Variants in FBXL13 observed in about 807,000 individuals in gnomAD.
The protein encoded by FBXL13 is F-box and leucine-rich repeat protein 13.
In FBXL13, 67 loss-of-function variants were observed where a neutral mutation model predicts 83.6. The ratio of observed to expected loss-of-function variants is 0.80; its 90% CI spans 0.66 to 0.98. FBXL13 has a LOEUF of 0.98. Ranked by LOEUF, FBXL13 falls within the 50% of genes least tolerant of loss-of-function variation. The pLI, the probability that FBXL13 is intolerant of heterozygous loss-of-function variation, is 0.00. For synonymous variants in FBXL13, 272 were observed against 299.5 expected (o/e 0.91, Z 0.95); for missense variants, 822 against 866.5 (o/e 0.95, Z 0.64).
intron 7 of FBXL13, among the ~76,000 whole-genome samples, chr7:102,967,084 C>T (rs1826046196): frequency 6.6e-6 from 1 of 152,044 alleles, no homozygotes; most frequent in South Asian, 2.1e-4. Context: ...ATTCTCCTGC[C>T]TCAGCCTCCC....
chr7:103,059,991 C>T (rs1797694046), intron 1 of FBXL13, among the ~76,000 whole-genome samples: 1 of 125,398 alleles, frequency 8.0e-6, no homozygotes, highest in South Asian at 2.6e-4. Context: ...ACAAAATAGG[C>T]ATTCAACAGA....
At position 103,062,102 on chromosome 7, in the gene FBXL13, T is replaced by A. The variant is rs200634872; in HGVS notation, c.-104-6355A>T. ...TTAAGTACTCCCTCTGCTGAGCAGATCTGGTTTTGCAAACTCTTTTCATCT... is the reference window on the plus strand; with the variant it reads ...TTAAGTACTCCCTCTGCTGAGCAGAACTGGTTTTGCAAACTCTTTTCATCT... On this transcript the variant is annotated intron_variant, in intron 1 of 19. Coordinates refer to ENST00000313221, the Ensembl canonical transcript of FBXL13. Among the ~76,000 whole-genome samples the A allele has an allele frequency of 1.1e-4, 17 of 151,086 alleles. No individual in the cohort carries two copies. In the East Asian group the frequency reaches 3.3e-3, roughly 29 times the overall value.
chr7:102,965,927 C>T (rs937966808), intron 7 of FBXL13, among the ~76,000 whole-genome samples: 3 of 152,162 alleles, frequency 2.0e-5, no homozygotes, highest in African/African-American at 7.2e-5. Flanking sequence ...GATGATATCA[C>T]GTGCTCAGAC....
downstream of FBXL13, chr7:102,813,193 G>GT (rs1247223813): frequency 1.2e-5 from 9 of 743,606 alleles, no homozygotes; most frequent in Middle Eastern, 4.0e-4. Flanking sequence ...TGATGTGTTT[G>GT]GAAATATTTG....
intron 7 of FBXL13, among the ~76,000 whole-genome samples, 166 bp from the exon 9 acceptor site, chr7:102,963,831 T>C (rs185907749): frequency 6.6e-6 from 1 of 152,116 alleles, no homozygotes; most frequent in Non-Finnish European, 1.5e-5. Context: ...AGAGAGATAT[T>C]TGCAAACTAT....
At chr7:103,011,018 A>G (rs1419856733) in intron 6 of FBXL13, among the ~76,000 whole-genome samples, 1 of 151,856 alleles carries the variant, frequency 6.6e-6, no homozygotes, top group African/African-American at 2.4e-5. Context: ...GCATCAAAGA[A>G]GAAAAAAGCA....
At chr7:102,918,890 A>G (rs1816436352) in intron 10 of FBXL13, among the ~76,000 whole-genome samples, 2 of 152,216 alleles carry the variant, frequency 1.3e-5, no homozygotes, top group Non-Finnish European at 2.9e-5. Flanking sequence ...ATGTACATAT[A>G]TTCATATATA....
At chr7:102,865,734 CG>C (rs1807545311) in intron 16 of FBXL13, among the ~76,000 whole-genome samples, 2 of 151,502 alleles carry the variant, frequency 1.3e-5, no homozygotes, top group Non-Finnish European at 2.9e-5. Flanking sequence ...TTAGTAGAGA[CG>C]GGGTTTCACC....
chr7:103,038,353 T>TG (rs1186466750), intron 2 of FBXL13, among the ~76,000 whole-genome samples: 3 of 152,366 alleles, frequency 2.0e-5, no homozygotes, highest in Admixed American at 1.3e-4. Context: ...CAAGGCCTAC[T>TG]GCCTCTATAG....
At chr7:102,898,582 T>C (rs895961416) in intron 11 of FBXL13, among the ~76,000 whole-genome samples, 3 of 152,282 alleles carry the variant, frequency 2.0e-5, no homozygotes, top group East Asian at 1.9e-4. Context: ...TGAGCCACCG[T>C]GCCTGGCCAC....
intron 6 of FBXL13, chr7:102,975,886 A>G (rs1210840138): frequency 1.3e-6 from 1 of 742,862 alleles, no homozygotes; most frequent in Non-Finnish European, 2.5e-6. Flanking sequence ...TGCCTCCTCC[A>G]TCAGGGGCCC....
At chr7:102,883,376 T>C in exon 14 of FBXL13, 1 of 1,613,840 alleles carries the variant, frequency 6.2e-7, no homozygotes, top group Non-Finnish European at 8.5e-7. Context: ...TGCTGTCTGT[T>C]ATTCCCTTGC....
chr7:102,949,131 A>G (rs1475699534), intron 8 of FBXL13, among the ~76,000 whole-genome samples: 2 of 152,200 alleles, frequency 1.3e-5, no homozygotes, highest in African/African-American at 4.8e-5. Context: ...TTTATCTTCA[A>G]TCTAACAGTC....
chr7:102,950,277 C>A (rs569493251), intron 8 of FBXL13, among the ~76,000 whole-genome samples: 50 of 152,200 alleles, frequency 3.3e-4, no homozygotes, highest in Non-Finnish European at 6.5e-4. Flanking sequence ...GATACCCCCA[C>A]ACACCTATTA....
chr7:102,827,604 C>T (rs1334861278), intron 18 of FBXL13, among the ~76,000 whole-genome samples: 3 of 151,226 alleles, frequency 2.0e-5, no homozygotes, highest in Admixed American at 6.6e-5. Context: ...TATACATGTG[C>T]CATGTTGGTG....
chr7:102,817,295 C>G (rs1407218084), intron 19 of FBXL13, among the ~76,000 whole-genome samples: 1 of 152,034 alleles, frequency 6.6e-6, no homozygotes, highest in East Asian at 1.9e-4. Flanking sequence ...TAATAATAGC[C>G]ATTCTGATTG....
chr7:102,968,403 T>C (rs1255983735), intron 6 of FBXL13, among the ~76,000 whole-genome samples: 1 of 152,226 alleles, frequency 6.6e-6, no homozygotes, highest in African/African-American at 2.4e-5. Context: ...TAAGCATATT[T>C]GCTTTATTTT....
At chr7:103,064,934 G>T (rs985964475) in intron 1 of FBXL13, among the ~76,000 whole-genome samples, 32 of 152,272 alleles carry the variant, frequency 2.1e-4, no homozygotes, top group Admixed American at 1.8e-3. Context: ...GCACCAACTT[G>T]CTAGGCATGC....
chr7:103,021,655 C>G (rs138503180), intron 6 of FBXL13, among the ~76,000 whole-genome samples: 15,802 of 152,182 alleles, frequency 0.1, 1,099 homozygotes, highest in Non-Finnish European at 0.16. Flanking sequence ...CAAACAACCC[C>G]ATCAAAAATG....
Sources: allele counts gnomAD v4.1 joint callset (sites outside exome capture counted in the v4.1 genomes callset), GRCh38; gene constraint gnomAD v4.1.1; transcripts MANE v1.5; gene names NCBI Gene and HGNC (gene_info 2026-07-23, HGNC 2026-07-21).